BDP1: variants seen among roughly 807,000 people sequenced by gnomAD.
The protein encoded by BDP1 is transcription factor TFIIIB component B'' homolog.
Under a neutral mutation model 266.6 loss-of-function variants are expected in BDP1, and 169 were observed. That is an observed-to-expected ratio of 0.63 (90% CI 0.56 to 0.72). The LOEUF is 0.72. BDP1 is among the 30% of genes least tolerant of loss of function. BDP1 has a pLI of 0.00. For synonymous variants in BDP1, 1,090 were observed against 1,022.4 expected (o/e 1.07, Z -1.26); for missense variants, 3,015 against 3,053.8 (o/e 0.99, Z 0.30).
At position 71,516,220 on chromosome 5, in the gene BDP1, A is replaced by G. The variant is rs1292018366; in HGVS notation, c.4809A>G (p.Glu1603=). Residue 1603 remains glutamate (E), a synonymous_variant, in exon 21 of 39, where the codon GAA becomes GAG. Coordinates refer to ENST00000358731, the MANE Select transcript of BDP1 (RefSeq NM_018429.3). The stretch of plus-strand genomic sequence containing the variant: ...GTGAAGCCAAAGGCATAATTAAGGA[A>G]GGAAGAACGATATTACCAAAAGATG... ...DKGEAKGIIK[E]GRTILPKDET... is the part of the protein sequence containing the mutation. 6.2e-7 allele frequency: 1 copy of G among 1,613,508 alleles called. No individual in the cohort carries two copies. Among genetic ancestry groups the G allele is most frequent in the East Asian group, 2.2e-5 (1 of 44,852 alleles).
intron 10 of BDP1, among the ~76,000 whole-genome samples, chr5:71,490,122 A>G (rs1763499770): frequency 6.6e-6 from 1 of 152,104 alleles, no homozygotes; most frequent in African/African-American, 2.4e-5. Context: ...TTGAATGCAA[A>G]CATATTGCCA....
chr5:71,489,814 C>T, intron 10 of BDP1, 132 bp downstream of exon 10: 2 of 700,914 alleles, frequency 2.9e-6, no homozygotes, highest in Non-Finnish European at 4.7e-6. Flanking sequence ...ACTAATGGTA[C>T]TGTGCTAACG....
intron 1 of BDP1, 30 bp downstream of exon 1, chr5:71,456,119 T>C (rs774062320): frequency 1.0e-5 from 16 of 1,590,556 alleles, no homozygotes; most frequent in Non-Finnish European, 1.1e-5. Flanking sequence ...AGAATTTTCA[T>C]TTGTCCCGCC....
At position 71,467,444 on chromosome 5, in the gene BDP1, C is replaced by T. The variant is rs371897021; in HGVS notation, c.876C>T (p.Ser292=). 24 of 1,609,574 alleles carry T rather than the reference C, an allele frequency of 1.5e-5. No homozygotes were observed. Among genetic ancestry groups the T allele is most frequent in the Non-Finnish European group, 2.0e-5 (23 of 1,176,410 alleles). ...AGCGCGGTTCTACAACTACATACTC[C>T]AGCTTTAGGAAAAACTATTACTCTA... is the stretch of plus-strand genomic sequence containing the variant. ...IFERGSTTTY[S]SFRKNYYSKP... is the part of the protein sequence containing the mutation. Residue 292 remains serine, a synonymous_variant, in exon 6 of 39, where the codon TCC becomes TCT. Transcript: ENST00000358731.
intron 4 of BDP1, among the ~76,000 whole-genome samples, chr5:71,465,560 G>C (rs190197366): frequency 6.6e-6 from 1 of 152,264 alleles, no homozygotes; most frequent in Admixed American, 6.5e-5. Context: ...ACCATGTCCT[G>C]TCTGTTTCTC....
chr5:71,577,923 T>C, the BDP1 span, among the ~76,000 whole-genome samples: 2 of 152,160 alleles, frequency 1.3e-5, no homozygotes, highest in Non-Finnish European at 2.9e-5. Context: ...GGGGGAAATG[T>C]TGGGAGCCAA....
rs745551392 is a variant in BDP1, at chr5:71,556,936, T to C, written c.7240+11T>C. On this transcript the variant is annotated intron_variant, in intron 36 of 38. Coordinates refer to ENST00000358731, the MANE Select transcript of BDP1 (RefSeq NM_018429.3). ...TTTTTGAGGAAACAGGTAAGTGAAATACATTTTAACATGATTGCATTTTGC... is the reference window on the plus strand; with the variant it reads ...TTTTTGAGGAAACAGGTAAGTGAAACACATTTTAACATGATTGCATTTTGC... 1.4e-6 allele frequency: 2 copies of C among 1,421,264 alleles called. No homozygotes were observed. Among genetic ancestry groups the C allele is most frequent in the Non-Finnish European group, 1.9e-6 (2 of 1,062,964 alleles). The allele number at this position is 1,421,264 out of a possible 1,614,324, so 88.0% of individuals were successfully genotyped here.
chr5:71,515,199 T>C (rs1765157018), intron 20 of BDP1, 77 bp downstream of exon 20: 3 of 1,095,298 alleles, frequency 2.7e-6, no homozygotes, highest in Non-Finnish European at 2.6e-6. Context: ...TATTGAGATA[T>C]GTTAATGCAT....
chr5:71,525,191 T>C (rs1765727497), intron 25 of BDP1, among the ~76,000 whole-genome samples: 1 of 151,914 alleles, frequency 6.6e-6, no homozygotes, highest in South Asian at 2.1e-4. Context: ...GAGGGGCTAC[T>C]CACTTCCCAG....
chr5:71,455,924 G>C lies in BDP1; in HGVS notation c.47G>C (p.Gly16Ala), dbSNP rs751876293. The change falls in exon 1 of 39, where the codon GGT becomes GCT. Residue 16 changes from glycine to alanine, a missense_variant. Gly to Ala is a moderately conservative substitution (Grantham distance 60). This residue lies in a region of BDP1 where 2,383 missense variants were observed against 2,404.9 expected (regional missense o/e 0.99). Transcript: ENST00000358731. ...AGCGTGAAGCCGAATGTCAGGCCTGGTGTAGGCGCCAGGGGCTCCACAGCT... is the reference window on the plus strand; with the variant it reads ...AGCGTGAAGCCGAATGTCAGGCCTGCTGTAGGCGCCAGGGGCTCCACAGCT... ...RLSVKPNVRP[G>A]VGARGSTASN... 2 of 1,610,276 alleles carry C rather than the reference G, an allele frequency of 1.2e-6. No individual in the cohort carries two copies. The highest frequency in any genetic ancestry group is 2.2e-5 in the East Asian group (1 of 44,768).
intron 24 of BDP1, among the ~76,000 whole-genome samples, chr5:71,523,460 T>C (rs995329377): frequency 1.3e-5 from 2 of 152,026 alleles, no homozygotes; most frequent in African/African-American, 4.8e-5. Context: ...ATTACAGGCG[T>C]GCACCACCGT....
chr5:71,532,678 A>T (rs1766319294), intron 26 of BDP1, among the ~76,000 whole-genome samples: 1 of 152,240 alleles, frequency 6.6e-6, no homozygotes, highest in Non-Finnish European at 1.5e-5. Flanking sequence ...AAGTATAAAC[A>T]AGTTAAAATA....
chr5:71,487,173 G>A (rs886635848), intron 9 of BDP1, among the ~76,000 whole-genome samples: 15 of 152,234 alleles, frequency 9.9e-5, no homozygotes, highest in African/African-American at 3.1e-4. Flanking sequence ...TAAAGAAGAC[G>A]CTCGGAACTA....
the BDP1 span, among the ~76,000 whole-genome samples, chr5:71,575,647 T>C: frequency 6.6e-6 from 1 of 152,352 alleles, no homozygotes; most frequent in Admixed American, 6.5e-5. Context: ...AAGGACTGTT[T>C]CTTTACTATA....
At chr5:71,553,432 A>G (rs949983961) in intron 35 of BDP1, 112 bp downstream of exon 35, 7 of 667,944 alleles carry the variant, frequency 1.0e-5, no homozygotes, top group African/African-American at 1.8e-5. Context: ...AGATATATAT[A>G]AAGATAGTTC....
chr5:71,547,181 A>C (rs1286265148), intron 32 of BDP1, among the ~76,000 whole-genome samples: 1 of 151,882 alleles, frequency 6.6e-6, no homozygotes, highest in Non-Finnish European at 1.5e-5. Context: ...CTTAAATTCA[A>C]GATCCAATCA....
chr5:71,522,949 G>T lies in BDP1; in HGVS notation c.5387G>T (p.Ser1796Ile). The T allele has an allele frequency of 6.4e-7, 1 of 1,556,004 alleles. No individual in the cohort carries two copies. The highest frequency in any genetic ancestry group is 8.7e-7 in the Non-Finnish European group (1 of 1,152,340). The change falls in exon 24 of 39, where the codon AGC (serine) becomes ATC (isoleucine). Residue 1796 changes from serine to isoleucine, a missense_variant and splice_region_variant. By Grantham distance (142) the Ser-to-Ile change is moderately radical. This residue lies in a region of BDP1 where 2,383 missense variants were observed against 2,404.9 expected (regional missense o/e 0.99). Transcript: ENST00000358731. ...GAGCAATATCTCAATAAACTAACAAGGTAACATTTTATTTAACAAAATGTT... is the reference window on the plus strand; with the variant it reads ...GAGCAATATCTCAATAAACTAACAATGTAACATTTTATTTAACAAAATGTT... ...VEEQYLNKLT[S>I]CPQPLNETSY... is the part of the protein sequence containing the mutation.
At chr5:71,471,138 C>CTTTTTT (rs869292040) in intron 7 of BDP1, among the ~76,000 whole-genome samples, 19 of 115,060 alleles carry the variant, frequency 1.7e-4, no homozygotes, top group African/African-American at 4.1e-4. Flanking sequence ...TTAAGGGTAG[C>CTTTTTT]TTTTTTTTTT....
chr5:71,528,789 G>A (rs1410497402), intron 25 of BDP1, among the ~76,000 whole-genome samples: 1 of 152,186 alleles, frequency 6.6e-6, no homozygotes, highest in East Asian at 1.9e-4. Context: ...GTAAATGTAA[G>A]CATTATGTGA....
Sources: allele counts gnomAD v4.1 joint callset (sites outside exome capture counted in the v4.1 genomes callset), GRCh38; gene constraint gnomAD v4.1.1; regional missense constraint gnomAD v4.1.1; transcripts MANE v1.5; gene names NCBI Gene and HGNC (gene_info 2026-07-23, HGNC 2026-07-21).